The following ROBO2 variants were observed in gnomAD, a reference collection of about 807,000 sequenced individuals.
The protein encoded by ROBO2 is roundabout guidance receptor 2, also known as roundabout homolog 2.
A neutral mutation model predicts 160.8 loss-of-function variants in ROBO2; 53 were observed. The observed-to-expected ratio is 0.33, with a 90% confidence interval of 0.26 to 0.41. The LOEUF is 0.41. Among genes scored for constraint, ROBO2 ranks in the 10% least tolerant of loss-of-function variants. The probability of loss-of-function intolerance (pLI) is 1.00; values close to 1 mark genes in which losing one functional copy is unlikely to be tolerated. For missense variants in ROBO2, 1,577 were observed against 1,722.4 expected (o/e 0.92, Z 1.49); for synonymous variants, 664 against 611.7 (o/e 1.09, Z -1.26).
At chr3:76,166,267 A>G (rs534445644) in intron 2 of ROBO2, among the ~76,000 whole-genome samples, 9 of 152,262 alleles carry the variant, frequency 5.9e-5, no homozygotes, top group Non-Finnish European at 7.4e-5. Context: ...TTATATTTTT[A>G]ATATGAATTG....
intron 1 of ROBO2, among the ~76,000 whole-genome samples, chr3:77,063,165 G>A (rs1185253224): frequency 6.6e-6 from 1 of 152,168 alleles, no homozygotes; most frequent in East Asian, 1.9e-4. Context: ...GTGGGAGCAG[G>A]ATCTAGAAGT....
intron 2 of ROBO2, among the ~76,000 whole-genome samples, chr3:76,621,634 C>T (rs1391965575): frequency 6.6e-6 from 1 of 152,146 alleles, no homozygotes; most frequent in Non-Finnish European, 1.5e-5. Flanking sequence ...ATAATAGCAC[C>T]CACTTCATAT....
intron 5 of ROBO2, among the ~76,000 whole-genome samples, chr3:77,515,973 T>A (rs2089975245): frequency 6.6e-6 from 1 of 151,672 alleles, no homozygotes; most frequent in Admixed American, 6.6e-5. Flanking sequence ...ATTTTCTTAT[T>A]ATTGCATAAT....
At chr3:76,290,835 G>GT (rs1220953594) in intron 2 of ROBO2, among the ~76,000 whole-genome samples, 1 of 152,082 alleles carries the variant, frequency 6.6e-6, no homozygotes, top group Non-Finnish European at 1.5e-5. Context: ...GTTGATTTGT[G>GT]TATGTTGAAT....
chr3:76,062,599 T>C (rs1362128424), intron 2 of ROBO2, among the ~76,000 whole-genome samples: 1 of 152,206 alleles, frequency 6.6e-6, no homozygotes, highest in Non-Finnish European at 1.5e-5. Flanking sequence ...ATGAGGGTTA[T>C]AGGCCTGTGT....
chr3:77,165,083 G>T (rs1480526994), intron 2 of ROBO2, among the ~76,000 whole-genome samples: 1 of 152,038 alleles, frequency 6.6e-6, no homozygotes, highest in African/African-American at 2.4e-5. Context: ...CATTGAGAAC[G>T]GGCCAGGATG....
At chr3:76,674,179 T>C (rs2092344444) in intron 2 of ROBO2, among the ~76,000 whole-genome samples, 1 of 152,114 alleles carries the variant, frequency 6.6e-6, no homozygotes, top group Non-Finnish European at 1.5e-5. Context: ...AGGGGAAGGA[T>C]GGAACTGGAG....
At chr3:76,212,880 T>C (rs1347999922) in intron 2 of ROBO2, among the ~76,000 whole-genome samples, 1 of 144,130 alleles carries the variant, frequency 6.9e-6, no homozygotes, top group Non-Finnish European at 1.5e-5. Context: ...GACTAACTTC[T>C]TTAAAAGCCT....
intron 2 of ROBO2, among the ~76,000 whole-genome samples, chr3:76,139,487 A>G (rs1257620337): frequency 6.6e-6 from 1 of 152,050 alleles, no homozygotes. Flanking sequence ...TGTTTTCCAC[A>G]TTTAAATTTA....
At chr3:77,438,308 C>G (rs949989772) in intron 2 of ROBO2, among the ~76,000 whole-genome samples, 4 of 151,842 alleles carry the variant, frequency 2.6e-5, no homozygotes. Flanking sequence ...ACAAGACATC[C>G]AAAGAGGACT....
chr3:76,967,138 A>C (rs1272523983), intron 2 of ROBO2, among the ~76,000 whole-genome samples: 2 of 152,158 alleles, frequency 1.3e-5, no homozygotes, highest in Admixed American at 1.3e-4. Flanking sequence ...TGGAAAGGTA[A>C]GGTAGCACAT....
At chr3:77,092,031 A>G (rs1405401056) in intron 1 of ROBO2, 1 of 151,284 alleles carries the variant, frequency 6.6e-6, no homozygotes, top group Non-Finnish European at 1.5e-5. Context: ...AAATAAAAAG[A>G]ATCTGTATTT....
chr3:76,042,816 G>A (rs1393756604), intron 2 of ROBO2, among the ~76,000 whole-genome samples: 1 of 152,084 alleles, frequency 6.6e-6, no homozygotes, highest in African/African-American at 2.4e-5. Flanking sequence ...GACCACCGGT[G>A]CATGCAGCCC....
chr3:76,765,698 G>C (rs1040035083), intron 2 of ROBO2, among the ~76,000 whole-genome samples: 24 of 151,638 alleles, frequency 1.6e-4, no homozygotes, highest in African/African-American at 5.3e-4. Flanking sequence ...CTGCCTGCCA[G>C]GTTAGTAAAT....
At chr3:77,591,822 T>C (rs1483324410) in intron 17 of ROBO2, among the ~76,000 whole-genome samples, 3 of 152,170 alleles carry the variant, frequency 2.0e-5, no homozygotes, top group Admixed American at 1.3e-4. Context: ...AGGCAAACAC[T>C]TATTTGAAAT....
At chr3:76,390,733 A>C (rs2077108709) in intron 2 of ROBO2, among the ~76,000 whole-genome samples, 1 of 152,066 alleles carries the variant, frequency 6.6e-6, no homozygotes, top group African/African-American at 2.4e-5. Context: ...CTCCTTTCTA[A>C]ATGATTATCA....
intron 2 of ROBO2, among the ~76,000 whole-genome samples, chr3:76,373,480 C>T (rs2076201084): frequency 6.6e-6 from 1 of 151,866 alleles, no homozygotes; most frequent in Admixed American, 6.6e-5. Flanking sequence ...GGATGGAGCA[C>T]TTGGATGGCC....
At chr3:76,349,927 A>G (rs1576594940) in intron 2 of ROBO2, among the ~76,000 whole-genome samples, 1 of 152,114 alleles carries the variant, frequency 6.6e-6, no homozygotes, top group East Asian at 1.9e-4. Flanking sequence ...AGAGGGAGAC[A>G]GTATCTTTAG....
chr3:76,481,608 C>T (rs1306698323), intron 2 of ROBO2, among the ~76,000 whole-genome samples: 2 of 152,154 alleles, frequency 1.3e-5, no homozygotes, highest in Non-Finnish European at 2.9e-5. Context: ...AAGTTTGCAT[C>T]AGCATCATCT....
Sources: gnomAD v4.1 joint callset for allele counts (sites outside exome capture counted in the v4.1 genomes callset) on GRCh38, gnomAD v4.1.1 for gene constraint, MANE v1.5 for transcripts, NCBI Gene and HGNC (gene_info 2026-07-23, HGNC 2026-07-21) for gene names.